Variants in DLC1 observed in about 807,000 individuals in gnomAD.
The protein encoded by DLC1 is DLC1 Rho GTPase activating protein, also known as rho GTPase-activating protein 7.
In DLC1, 54 loss-of-function variants were observed where a neutral mutation model predicts 140.3. That is an observed-to-expected ratio of 0.38 (90% CI 0.31 to 0.48). The LOEUF is 0.48. DLC1 is among the 20% of genes least tolerant of loss of function. DLC1 has a pLI of 0.96. For synonymous variants in DLC1, 986 were observed against 728.1 expected (o/e 1.35, Z -5.70); for missense variants, 2,536 against 1,907.0 (o/e 1.33, Z -6.14).
intron 5 of DLC1, among the ~76,000 whole-genome samples, chr8:13,295,938 CTTTGTTT>C (rs1831927643): frequency 1.9e-5 from 1 of 53,344 alleles, no homozygotes; most frequent in Admixed American, 1.7e-4. Context: ...AGATAAGATT[CTTTGTTT>C]TTTTTTTTTT....
chr8:13,250,517 T>C (rs918116787), intron 5 of DLC1, among the ~76,000 whole-genome samples: 1 of 152,242 alleles, frequency 6.6e-6, no homozygotes, highest in Non-Finnish European at 1.5e-5. Context: ...CTTACTTTAA[T>C]CCACATCATC....
intron 1 of DLC1, among the ~76,000 whole-genome samples, chr8:13,587,672 A>C (rs1226836466): frequency 6.7e-6 from 1 of 150,038 alleles, no homozygotes; most frequent in Admixed American, 6.7e-5. Flanking sequence ...TGTTAACTGC[A>C]ATGTTGGCTC....
intron 14 of DLC1, among the ~76,000 whole-genome samples, chr8:13,090,710 G>A (rs1006633470): frequency 6.6e-6 from 1 of 152,190 alleles, no homozygotes; most frequent in African/African-American, 2.4e-5. Context: ...AGTTAGAGTA[G>A]GGGGAGTGAA....
intron 2 of DLC1, among the ~76,000 whole-genome samples, chr8:13,475,013 A>G (rs1049994812): frequency 1.3e-5 from 2 of 152,036 alleles, no homozygotes; most frequent in East Asian, 1.9e-4. Flanking sequence ...GAGTTTCGCC[A>G]TATTGCCCAG....
chr8:13,432,600 A>G (rs574356136), intron 2 of DLC1, among the ~76,000 whole-genome samples: 3 of 152,310 alleles, frequency 2.0e-5, no homozygotes, highest in Admixed American at 6.5e-5. Context: ...CTTTACACCC[A>G]TGGAGGCTGG....
intron 1 of DLC1, among the ~76,000 whole-genome samples, chr8:13,577,668 T>G (rs1804891871): frequency 6.6e-6 from 1 of 152,196 alleles, no homozygotes; most frequent in Admixed American, 6.5e-5. Context: ...ACGAATAAAT[T>G]TTTCATTCCT....
In DLC1 at chr8:13,085,850, A is replaced by C; in HGVS notation, c.4548T>G (p.Ser1516Arg). 6 of 1,614,202 alleles carry C rather than the reference A, an allele frequency of 3.7e-6. No homozygotes were observed. Among genetic ancestry groups the C allele is most frequent in the Non-Finnish European group, 5.1e-6 (6 of 1,180,034 alleles). The change falls in exon 18 of 18, where the codon AGT becomes AGG. Residue 1516 changes from serine to arginine, a missense_variant. By Grantham distance (110) the Ser-to-Arg change is moderately radical. Coordinates refer to ENST00000276297, the MANE Select transcript of DLC1 (RefSeq NM_182643.3). ...TGTCTTTGGTTTCAGTGTTCTGGTT[A>C]CTGAAGGAATCCCGGATCTTTACAA... is the stretch of plus-strand genomic sequence containing the variant. The part of the protein sequence containing the change: ...AEVVKIRDSF[S>R]NQNTETKDTK...
intron 7 of DLC1, among the ~76,000 whole-genome samples, chr8:13,103,110 A>C (rs1349582699): frequency 6.6e-6 from 1 of 151,956 alleles, no homozygotes; most frequent in Non-Finnish European, 1.5e-5. Context: ...GGAGAGCGAG[A>C]CCATCCTGGC....
At chr8:13,319,819 C>CTTTTTTTTTTTTTTTTTTTTTTTTTTT (rs547737556) in intron 4 of DLC1, among the ~76,000 whole-genome samples, 1 of 76,150 alleles carries the variant, frequency 1.3e-5, no homozygotes. Context: ...TTCTCTCTCT[C>CTTTTTTTTTTTTTTTTTTTTTTTTTTT]TCTTTTTTTT....
intron 1 of DLC1, among the ~76,000 whole-genome samples, chr8:13,545,048 A>G (rs1313313862): frequency 6.6e-6 from 1 of 152,136 alleles, no homozygotes; most frequent in Non-Finnish European, 1.5e-5. Context: ...TTTTCGTCGT[A>G]TCCTCAGTGC....
At chr8:13,157,243 T>A (rs1012775903) in intron 5 of DLC1, among the ~76,000 whole-genome samples, 12 of 152,166 alleles carry the variant, frequency 7.9e-5, no homozygotes, top group Admixed American at 7.9e-4. Context: ...TCTATGACAT[T>A]AAGGACTCAA....
chr8:13,113,588 C>A (rs899599848), intron 6 of DLC1, among the ~76,000 whole-genome samples: 3 of 152,192 alleles, frequency 2.0e-5, no homozygotes, highest in Non-Finnish European at 4.4e-5. Flanking sequence ...TTGAAGAAAA[C>A]TTAGTTTCTA....
chr8:13,329,829 TA>T (rs1833513151), intron 4 of DLC1, among the ~76,000 whole-genome samples: 1 of 152,224 alleles, frequency 6.6e-6, no homozygotes, highest in South Asian at 2.1e-4. Context: ...ACCAGTGTGG[TA>T]ACTTTCATGT....
At chr8:13,451,333 C>T (rs1005419464) in intron 2 of DLC1, among the ~76,000 whole-genome samples, 3 of 151,952 alleles carry the variant, frequency 2.0e-5, no homozygotes, top group Non-Finnish European at 4.4e-5. Flanking sequence ...GAAAATTGGG[C>T]GTCCATTCCC....
At position 13,249,107 on chromosome 8, in the gene DLC1, G is replaced by A. The variant is rs566222255; in HGVS notation, c.1348+56162C>T. On this transcript the variant is annotated intron_variant, in intron 5 of 17. Coordinates refer to ENST00000276297, the MANE Select transcript of DLC1 (RefSeq NM_182643.3). Reference sequence around the variant, plus strand: ...TTTTTTTCCTTTGAGACAAAGTCTCGCTCTTGTTGCCCAGGCTGGAGTGCA... The same window carrying A: ...TTTTTTTCCTTTGAGACAAAGTCTCACTCTTGTTGCCCAGGCTGGAGTGCA... Among the ~76,000 whole-genome samples the A allele has an allele frequency of 1.8e-4, 27 of 151,882 alleles. No homozygotes were observed. The South Asian group carries it at 3.5e-3, about 20-fold the overall frequency.
intron 4 of DLC1, among the ~76,000 whole-genome samples, chr8:13,359,239 A>G (rs1194288420): frequency 6.6e-6 from 1 of 151,870 alleles, no homozygotes; most frequent in Non-Finnish European, 1.5e-5. Flanking sequence ...CACCCATCCT[A>G]CAAACTTTTT....
chr8:13,489,233 C>T (rs1801118802), intron 2 of DLC1, among the ~76,000 whole-genome samples: 1 of 152,128 alleles, frequency 6.6e-6, no homozygotes. Context: ...AGGCGTGAGC[C>T]ACCGTGCCTG....
intron 2 of DLC1, among the ~76,000 whole-genome samples, chr8:13,485,345 T>C (rs573266864): frequency 2.0e-5 from 3 of 152,326 alleles, no homozygotes; most frequent in East Asian, 3.9e-4. Flanking sequence ...TCAATATAGC[T>C]TGAAAAGAGA....
intron 5 of DLC1, among the ~76,000 whole-genome samples, chr8:13,250,585 C>T (rs1307067615): frequency 6.6e-6 from 1 of 152,010 alleles, no homozygotes; most frequent in Non-Finnish European, 1.5e-5. Flanking sequence ...TTTAATAATA[C>T]CAAAGCAATA....
Sources: gnomAD v4.1 joint callset for allele counts (sites outside exome capture counted in the v4.1 genomes callset) on GRCh38, gnomAD v4.1.1 for gene constraint, MANE v1.5 for transcripts, NCBI Gene and HGNC (gene_info 2026-07-23, HGNC 2026-07-21) for gene names.